EYA1: variants seen among roughly 807,000 people sequenced by gnomAD.
EYA1 encodes protein phosphatase EYA1.
A neutral mutation model predicts 82.0 loss-of-function variants in EYA1; 16 were observed. That is an observed-to-expected ratio of 0.20 (90% CI 0.13 to 0.30). The LOEUF (loss-of-function observed/expected upper bound fraction) is 0.30. Ranked by LOEUF, EYA1 falls within the 10% of genes least tolerant of loss-of-function variation. The pLI, the probability that EYA1 is intolerant of heterozygous loss-of-function variation, is 1.00. For missense variants in EYA1, 633 were observed against 730.7 expected (o/e 0.87, Z 1.54); for synonymous variants, 261 against 264.4 (o/e 0.99, Z 0.12).
At chr8:71,458,382 T>C (rs900924666) in intron 2 of EYA1, among the ~76,000 whole-genome samples, 1 of 152,088 alleles carries the variant, frequency 6.6e-6, no homozygotes, top group Non-Finnish European at 1.5e-5. Flanking sequence ...TCTGTGTGTA[T>C]GTAGATTTTT....
chr8:71,220,292 G>GTGA (rs777866621), intron 12 of EYA1, among the ~76,000 whole-genome samples: 1 of 152,132 alleles, frequency 6.6e-6, no homozygotes, highest in Non-Finnish European at 1.5e-5. Flanking sequence ...GACTTTTAAG[G>GTGA]TGATGAAATC....
At chr8:71,517,870 C>A (rs1401553466) in intron 2 of EYA1, among the ~76,000 whole-genome samples, 1 of 151,338 alleles carries the variant, frequency 6.6e-6, no homozygotes, top group East Asian at 1.9e-4. Flanking sequence ...CATATACAAT[C>A]CCTGATTCCT....
chr8:71,406,397 C>A (rs534164230), intron 2 of EYA1, among the ~76,000 whole-genome samples: 1 of 152,332 alleles, frequency 6.6e-6, no homozygotes, highest in South Asian at 2.1e-4. Flanking sequence ...GGAACAGCTC[C>A]GGTCTACAGC....
At chr8:71,502,616 C>T (rs1811888041) in intron 2 of EYA1, among the ~76,000 whole-genome samples, 1 of 152,126 alleles carries the variant, frequency 6.6e-6, no homozygotes, top group Non-Finnish European at 1.5e-5. Context: ...TTTAAGTAAA[C>T]ATTCTGCATT....
chr8:71,209,406 T>C (rs1438995373), intron 17 of EYA1, among the ~76,000 whole-genome samples: 20 of 152,198 alleles, frequency 1.3e-4, no homozygotes, highest in Admixed American at 1.3e-3. Context: ...CTGCTTCACA[T>C]TGAGCATGAG....
chr8:71,452,110 C>G (rs1807431310), intron 2 of EYA1, among the ~76,000 whole-genome samples: 1 of 152,238 alleles, frequency 6.6e-6, no homozygotes, highest in Admixed American at 6.5e-5. Context: ...AAATGGCACA[C>G]CAGGAGATTA....
intron 2 of EYA1, among the ~76,000 whole-genome samples, chr8:71,502,887 A>G (rs1467211586): frequency 1.3e-5 from 2 of 152,222 alleles, no homozygotes; most frequent in Non-Finnish European, 2.9e-5. Context: ...CTGGCTCCCA[A>G]GGGTACAGGG....
At chr8:71,260,532 C>T (rs1355887304) in intron 11 of EYA1, among the ~76,000 whole-genome samples, 1 of 152,098 alleles carries the variant, frequency 6.6e-6, no homozygotes, top group Non-Finnish European at 1.5e-5. Flanking sequence ...CTTTGAATCA[C>T]AAAGAATATA....
At chr8:71,514,044 C>G (rs1812791505) in intron 2 of EYA1, among the ~76,000 whole-genome samples, 1 of 152,074 alleles carries the variant, frequency 6.6e-6, no homozygotes, top group Admixed American at 6.6e-5. Context: ...CTGATATACT[C>G]TTAGGTTGCT....
At chr8:71,347,885 CAAAAAA>C (rs5892271) in intron 3 of EYA1, among the ~76,000 whole-genome samples, 1 of 80,840 alleles carries the variant, frequency 1.2e-5, no homozygotes, top group Non-Finnish European at 2.4e-5. Flanking sequence ...TGGAGGCATG[CAAAAAA>C]AAAAAAAAAA....
rs1806468676 is a variant in EYA1, at chr8:71,198,080, T to C, written c.*1260A>G. 1 of 152,280 alleles carries C rather than the reference T, an allele frequency of 6.6e-6. No individual in the cohort carries two copies. The highest frequency in any genetic ancestry group is 2.4e-5 in the African/African-American group (1 of 41,456). The allele number at this position is 152,280 out of a possible 1,614,324, so 9.4% of individuals were successfully genotyped here. A position where few individuals can be genotyped will look rare whatever the true frequency, so the allele number is the denominator to read the frequency against. On this transcript the variant is annotated 3_prime_UTR_variant, in exon 18 of 18. Coordinates refer to ENST00000340726, the MANE Select transcript of EYA1 (RefSeq NM_000503.6). The stretch of plus-strand genomic sequence containing the variant: ...TGCTGATTTCCGGATTAGCATCGTG[T>C]GTCTTCCTTTATCGAAAGAAAATGC...
intron 3 of EYA1, among the ~76,000 whole-genome samples, chr8:71,349,157 T>G (rs888883848): frequency 6.6e-6 from 1 of 152,286 alleles, no homozygotes; most frequent in Admixed American, 6.5e-5. Context: ...CAATACAATG[T>G]GCACCTGGAC....
intron 2 of EYA1, among the ~76,000 whole-genome samples, chr8:71,425,929 G>A (rs1805198791): frequency 6.6e-6 from 1 of 152,190 alleles, no homozygotes; most frequent in Non-Finnish European, 1.5e-5. Flanking sequence ...GGATGTCAGA[G>A]GTCTGGGATG....
intron 7 of EYA1, among the ~76,000 whole-genome samples, chr8:71,315,178 G>A (rs557216631): frequency 4.6e-5 from 7 of 151,998 alleles, no homozygotes; most frequent in Admixed American, 2.0e-4. Context: ...AAAATACAAA[G>A]TAATGTACTT....
rs752122462 is a variant in EYA1 at position 71,228,676 on chromosome 8, C to T, written c.1141-11653G>A. Among the ~76,000 whole-genome samples the T allele has an allele frequency of 2.0e-5, 3 of 152,120 alleles. No homozygotes were observed. In the South Asian group the frequency reaches 6.2e-4, roughly 32 times the overall value. On this transcript the variant is annotated intron_variant, in intron 12 of 17. Transcript: ENST00000340726. The stretch of plus-strand genomic sequence containing the variant: ...AATACATAACCACATGTTCTCGATT[C>T]TTTCATTCATTTTCTCATGCATTCA...
intron 3 of EYA1, among the ~76,000 whole-genome samples, chr8:71,339,238 C>T (rs1003144216): frequency 6.6e-6 from 1 of 152,142 alleles, no homozygotes; most frequent in African/African-American, 2.4e-5. Flanking sequence ...CCAGAGCCAG[C>T]CACGTCTAGC....
chr8:71,252,045 G>A (rs947033163), intron 11 of EYA1, among the ~76,000 whole-genome samples: 1 of 152,070 alleles, frequency 6.6e-6, no homozygotes, highest in African/African-American at 2.4e-5. Flanking sequence ...ATAAATGCAT[G>A]TGTGTACTAG....
intron 2 of EYA1, among the ~76,000 whole-genome samples, chr8:71,400,891 G>A (rs904189514): frequency 1.3e-5 from 2 of 152,082 alleles, no homozygotes; most frequent in African/African-American, 4.8e-5. Context: ...CAACCCAAAT[G>A]CCCATCAATG....
chr8:71,208,951 G>C (rs1159354838), intron 17 of EYA1, among the ~76,000 whole-genome samples: 2 of 152,182 alleles, frequency 1.3e-5, no homozygotes, highest in African/African-American at 4.8e-5. Flanking sequence ...TGTGTTCCCT[G>C]CATTTTAAGT....
Sources: gnomAD v4.1 joint callset for allele counts (sites outside exome capture counted in the v4.1 genomes callset) on GRCh38, gnomAD v4.1.1 for gene constraint, MANE v1.5 for transcripts, NCBI Gene and HGNC (gene_info 2026-07-23, HGNC 2026-07-21) for gene names.